PCDH19: variants seen among roughly 807,000 people sequenced by gnomAD.
The protein encoded by PCDH19 is protocadherin 19, also known as protocadherin-19.
PCDH19 carries 6 observed loss-of-function variants against 46.2 expected under a neutral mutation model. The observed-to-expected ratio is 0.13, with a 90% CI of 0.07 to 0.26. The LOEUF (loss-of-function observed/expected upper bound fraction) is 0.26, where lower values mean the gene tolerates loss of function less well. Ranked by LOEUF, PCDH19 falls within the 10% of genes least tolerant of loss-of-function variation. The pLI, the probability that PCDH19 is intolerant of heterozygous loss-of-function variation, is 1.00. For missense variants in PCDH19, 740 were observed against 972.3 expected, an observed-to-expected ratio of 0.76 and a Z score of 3.18; for synonymous variants, 481 against 415.7, an observed-to-expected ratio of 1.16 and a Z score of -1.91.
Position 100,408,383 on chromosome X carries a change from A to G in PCDH19, c.215T>C (p.Val72Ala), listed in dbSNP as rs776058393. The change falls in exon 1 of 6, where the codon GTG (valine) becomes GCG (alanine). Residue 72 changes from valine to alanine, a missense_variant. This residue lies in a region of PCDH19 where 81 missense variants were observed against 96.5 expected (regional missense o/e 0.84). Coordinates refer to ENST00000373034, the MANE Select transcript of PCDH19 (RefSeq NM_001184880.2). ...RVVSNSAPHLVDINPSSGLLV... is the reference protein window; with the variant it reads ...RVVSNSAPHLADINPSSGLLV... ...CAGGCCAGAGCTGGGATTGATGTCCACTAGGTGTGGAGCCGAGTTGGACAC... is the reference window on the plus strand; with the variant it reads ...CAGGCCAGAGCTGGGATTGATGTCCGCTAGGTGTGGAGCCGAGTTGGACAC... 8.3e-7 allele frequency: 1 copy of G among 1,209,481 alleles called. No homozygotes were observed. The highest frequency in any genetic ancestry group is 2.2e-5 in the Admixed American group (1 of 46,052).
At chrX:100,332,250 G>A (rs4828020) in intron 5 of PCDH19, among the ~76,000 whole-genome samples, 37,172 of 111,117 alleles carry the variant, frequency 0.33, 4,705 homozygotes, top group African/African-American at 0.39. Flanking sequence ...GGCCAGGGGC[G>A]GTGGTTCATA....
At chrX:100,302,333 C>G (rs1356393044) in intron 5 of PCDH19, among the ~76,000 whole-genome samples, 1 of 111,759 alleles carries the variant, frequency 8.9e-6, no homozygotes, top group Non-Finnish European at 1.9e-5. Context: ...AATACATTAT[C>G]CCTGAAGTCT....
At chrX:100,387,984 T>C (rs1251618941) in intron 3 of PCDH19, among the ~76,000 whole-genome samples, 2 of 111,528 alleles carry the variant, frequency 1.8e-5, no homozygotes, top group Non-Finnish European at 3.8e-5. Context: ...TTTTGGCCCT[T>C]AATACCTACT....
In PCDH19 at chrX:100,407,803, T is replaced by A. The variant is rs1602637247; in HGVS notation, c.795A>T (p.Pro265=). The A allele has an allele frequency of 1.6e-6, 2 of 1,212,459 alleles. No individual in the cohort carries two copies. Among genetic ancestry groups the A allele is most frequent in the Admixed American group, 4.3e-5 (2 of 46,162 alleles). The change falls in exon 1 of 6, where the codon CCA becomes CCT. Residue 265 remains proline, a synonymous_variant. Coordinates refer to ENST00000373034, the MANE Select transcript of PCDH19 (RefSeq NM_001184880.2). ...CCACCTGGCCGTTGGTGCCCTCGTCTGGATCGCTGGCGTTGAGGCGGATGA... is the reference window on the plus strand; with the variant it reads ...CCACCTGGCCGTTGGTGCCCTCGTCAGGATCGCTGGCGTTGAGGCGGATGA... ...TPVIRLNASD[P]DEGTNGQVVY...
Position 100,398,426 on chromosome X carries a change from T to C in PCDH19, c.2616+4098A>G, listed in dbSNP as rs1928084731. On this transcript the variant is annotated intron_variant, in intron 3 of 5. Coordinates refer to ENST00000373034, the MANE Select transcript of PCDH19 (RefSeq NM_001184880.2). ...CAACAATGTTCAGATGTGGCTAGGT[T>C]TGGACACTGATACAAGAGCTATCTT... Among the ~76,000 whole-genome samples the C allele has an allele frequency of 2.7e-5, 3 of 112,486 alleles. No individual in the cohort carries two copies. The South Asian group carries it at 1.1e-3, about 42-fold the overall frequency.
chrX:100,384,040 T>C (rs932631429), intron 3 of PCDH19, among the ~76,000 whole-genome samples: 3 of 111,939 alleles, frequency 2.7e-5, no homozygotes, highest in Admixed American at 1.9e-4. Flanking sequence ...TTTTACATCA[T>C]ACTTCCAACT....
rs987769646 is a variant in PCDH19 at position 100,294,244 on chromosome X, A to T, written c.*2033T>A. 6 of 112,479 alleles carry T rather than the reference A, an allele frequency of 5.3e-5. No homozygotes were observed. The highest frequency in any genetic ancestry group is 9.4e-5 in the Non-Finnish European group (5 of 53,238). The allele number at this position is 112,479 out of a possible 1,213,427, so 9.3% of individuals were successfully genotyped here. On this transcript the variant is annotated 3_prime_UTR_variant, in exon 6 of 6. Coordinates refer to ENST00000373034, the MANE Select transcript of PCDH19 (RefSeq NM_001184880.2). ...AGAAAACTGTATGAGAGGCAATGAA[A>T]TGAGGAAAAATGAAGATGTTATGGT...
chrX:100,307,251 A>C (rs772552284), intron 5 of PCDH19, among the ~76,000 whole-genome samples: 13 of 112,261 alleles, frequency 1.2e-4, no homozygotes, highest in Non-Finnish European at 2.3e-4. Flanking sequence ...TAACATATGC[A>C]AGTCAATAAA....
intron 5 of PCDH19, among the ~76,000 whole-genome samples, chrX:100,319,578 G>T (rs756787472): frequency 8.9e-6 from 1 of 111,990 alleles, no homozygotes; most frequent in African/African-American, 3.2e-5. Flanking sequence ...GCTGAACAAT[G>T]AAATCACTGG....
rs924111844 is a variant in PCDH19, at chrX:100,410,106, C to A, written c.-1509G>T. 12 of 295,652 alleles carry A rather than the reference C, an allele frequency of 4.1e-5. No homozygotes were observed. The highest frequency in any genetic ancestry group is 6.5e-5 in the Non-Finnish European group (11 of 170,089). 24.4% of individuals were successfully genotyped at this position (295,652 alleles called of 1,213,427 possible). A position where few individuals can be genotyped will look rare whatever the true frequency, so the allele number is the denominator to read the frequency against. On this transcript the variant is annotated 5_prime_UTR_variant, in exon 1 of 6. Transcript: ENST00000373034. ...AGCCGGAATGCTGCGGAGCGCAACG[C>A]GCCAAGGGCCAGCGCCGGGCTAGGG...
chrX:100,301,030 A>G (rs1037191878), intron 5 of PCDH19, among the ~76,000 whole-genome samples: 37 of 111,269 alleles, frequency 3.3e-4, no homozygotes, highest in African/African-American at 1.1e-3. Flanking sequence ...ACAGAAAAAG[A>G]CCAGAATATG....
intron 5 of PCDH19, among the ~76,000 whole-genome samples, chrX:100,317,699 T>TC (rs1925353430): frequency 9.1e-6 from 1 of 109,962 alleles, no homozygotes; most frequent in Non-Finnish European, 1.9e-5. Context: ...GAGTCTGCTC[T>TC]CCCCTTCATG....
chrX:100,353,011 C>T lies in PCDH19; in HGVS notation c.2617-2307G>A, dbSNP rs1397861954. On this transcript the variant is annotated intron_variant, in intron 3 of 5. Coordinates refer to ENST00000373034, the MANE Select transcript of PCDH19 (RefSeq NM_001184880.2). ...TTAATCCTTGCATGCCTCAGTTTCC[C>T]TCTCTGTAAAATAGGGATAATAGAA... Among the ~76,000 whole-genome samples the T allele has an allele frequency of 2.6e-4, 29 of 111,921 alleles. No individual in the cohort carries two copies. In the Admixed American group the frequency reaches 2.7e-3, roughly 10 times the overall value.
intron 5 of PCDH19, among the ~76,000 whole-genome samples, chrX:100,325,670 G>T (rs905404187): frequency 1.8e-5 from 2 of 112,121 alleles, no homozygotes; most frequent in African/African-American, 6.5e-5. Context: ...GCCCGGCCAG[G>T]ACTATAATGA....
chrX:100,400,119 G>A (rs1029732864), intron 3 of PCDH19, among the ~76,000 whole-genome samples: 5 of 111,409 alleles, frequency 4.5e-5, no homozygotes, highest in East Asian at 5.6e-4. Context: ...TAACAGTGCC[G>A]TTACTTGTGA....
intron 3 of PCDH19, among the ~76,000 whole-genome samples, chrX:100,350,981 G>A (rs771927298): frequency 1.1e-3 from 119 of 112,813 alleles, no homozygotes; most frequent in African/African-American, 3.6e-3. Context: ...AAGAGACAAC[G>A]TGACCTACAA....
intron 3 of PCDH19, among the ~76,000 whole-genome samples, chrX:100,383,554 G>A (rs1028386045): frequency 3.6e-5 from 4 of 111,994 alleles, no homozygotes; most frequent in Non-Finnish European, 7.5e-5. Flanking sequence ...AAAATGTAAG[G>A]AGAACTATGT....
In PCDH19 at chrX:100,402,723, G is replaced by A. The variant is rs756871980; in HGVS notation, c.2417C>T (p.Ser806Phe). 40 of 1,209,603 alleles carry A rather than the reference G, an allele frequency of 3.3e-5. No homozygotes were observed. Among genetic ancestry groups the A allele is most frequent in the Non-Finnish European group, 4.4e-5 (39 of 894,659 alleles). The part of the protein sequence containing the change: ...TDKMNVVSCS[S>F]LTSSLNYFDY... ...AAAATAGTTGAGGGAGGAGGTCAGG[G>A]AAGAGCAACTGACAACGTTCATCTT... The change falls in exon 3 of 6, where the codon TCC (serine) becomes TTC (phenylalanine). Residue 806 changes from serine (S) to phenylalanine (F), a missense_variant. Coordinates refer to ENST00000373034, the MANE Select transcript of PCDH19 (RefSeq NM_001184880.2).
At chrX:100,387,051 G>C (rs1245298833) in intron 3 of PCDH19, among the ~76,000 whole-genome samples, 1 of 111,498 alleles carries the variant, frequency 9.0e-6, no homozygotes, top group Non-Finnish European at 1.9e-5. Context: ...AAGCATCTGT[G>C]TGAGTTTTTT....
Sources: gnomAD v4.1 joint callset for allele counts (sites outside exome capture counted in the v4.1 genomes callset) on GRCh38, gnomAD v4.1.1 for gene constraint, gnomAD v4.1.1 regional missense constraint, MANE v1.5 for transcripts, NCBI Gene and HGNC (gene_info 2026-07-23, HGNC 2026-07-21) for gene names.